TAOK2: variants seen among roughly 807,000 people sequenced by gnomAD.
The protein encoded by TAOK2 is serine/threonine-protein kinase TAO2.
TAOK2 carries 42 observed loss-of-function variants against 122.5 expected under a neutral mutation model. The observed-to-expected ratio is 0.34, with a 90% CI of 0.27 to 0.44. TAOK2 has a LOEUF of 0.44. Ranked by LOEUF, TAOK2 falls within the 20% of genes least tolerant of loss-of-function variation. The pLI is 1.00. For missense variants in TAOK2, 1,264 were observed against 1,644.9 expected, an observed-to-expected ratio of 0.77 and a Z score of 4.01; for synonymous variants, 704 against 677.6, an observed-to-expected ratio of 1.04 and a Z score of -0.61.
At chr16:29,988,974 C>G, downstream of TAOK2, 1 of 985,332 alleles carries the variant, frequency 1.0e-6, no homozygotes, top group African/African-American at 1.7e-5. Context: ...CTCCTTTGCC[C>G]CTTTCTCCTC....
chr16:29,975,494 C>G (rs1396773717), intron 1 of TAOK2, among the ~76,000 whole-genome samples: 2 of 152,122 alleles, frequency 1.3e-5, no homozygotes, highest in African/African-American at 4.8e-5. Flanking sequence ...GGAGTCCAGG[C>G]TGGGGTGAGG....
chr16:29,989,067 G>A, downstream of TAOK2: 1 of 985,230 alleles, frequency 1.0e-6, no homozygotes, highest in East Asian at 1.1e-4. Flanking sequence ...TCCCTGAGCT[G>A]CTGGACCTGG....
chr16:29,983,999 G>A (rs1276491442), intron 13 of TAOK2, among the ~76,000 whole-genome samples: 1 of 152,148 alleles, frequency 6.6e-6, no homozygotes, highest in Non-Finnish European at 1.5e-5. Context: ...CCCAGTGCTG[G>A]GGGAGCCCTG....
At chr16:29,991,708 T>A, downstream of TAOK2, 1 of 1,137,570 alleles carries the variant, frequency 8.8e-7, no homozygotes, top group Non-Finnish European at 1.1e-6. The surrounding 1 kb of genome is among the most constrained non-coding windows in gnomAD (Gnocchi z 5.6). Context: ...CCTCATCTCA[T>A]GAGCTTCTTG....
At position 29,985,891 on chromosome 16, in the gene TAOK2, G is replaced by A. The variant is rs371152014; in HGVS notation, c.1992+30G>A. ...GCATCCCAATCTCTGTTCCCCTCCC[G>A]CTCACTCGTGGATCCCAGGGACCCA... On this transcript the variant is annotated intron_variant, in intron 15 of 15. Transcript: ENST00000308893. The surrounding 1 kb of genome is among the most constrained non-coding windows in gnomAD (Gnocchi z 6.9). The A allele has an allele frequency of 1.2e-5, 19 of 1,600,676 alleles. No individual in the cohort carries two copies. Among genetic ancestry groups the A allele is most frequent in the Middle Eastern group, 2.3e-4 (1 of 4,436 alleles).
intron 8 of TAOK2, 137 bp from the exon 9 acceptor site, chr16:29,981,524 G>A (rs762228757): frequency 2.6e-6 from 2 of 769,864 alleles, no homozygotes; most frequent in South Asian, 2.9e-5. Context: ...GACGCAACAG[G>A]ATGATGGGAA....
rs1346074781 is a variant in TAOK2, at chr16:29,986,194, G to T, written c.1993-71G>T. The T allele has an allele frequency of 8.7e-6, 13 of 1,499,356 alleles. No homozygotes were observed. The highest frequency in any genetic ancestry group is 2.8e-5 in the African/African-American group (2 of 71,102). 92.9% of individuals were successfully genotyped at this position (1,499,356 alleles called of 1,614,324 possible). On this transcript the variant is annotated intron_variant, in intron 15 of 15. Transcript: ENST00000308893. This position sits in a 1 kb window ranked among gnomAD's most constrained non-coding sequence, Gnocchi z 4.2. ...TCTTCCGCCATCCCCAGCTCCCTCTGCCAAGGAGCCCTGGCCTCTCACTTC... is the reference window on the plus strand; with the variant it reads ...TCTTCCGCCATCCCCAGCTCCCTCTTCCAAGGAGCCCTGGCCTCTCACTTC...
At chr16:29,991,137 G>A (rs752544450), downstream of TAOK2, 48 of 1,609,574 alleles carry the variant, frequency 3.0e-5, no homozygotes, top group Admixed American at 1.8e-4. The surrounding 1 kb of genome is among the most constrained non-coding windows in gnomAD (Gnocchi z 5.6). Context: ...CGAGGCCTTC[G>A]ATGCGGAAAG....
rs368171889 is a variant in TAOK2, at chr16:29,987,288, C to G, written c.3016C>G (p.Leu1006Val). 1 of 1,526,994 alleles carries G rather than the reference C, an allele frequency of 6.5e-7. No individual in the cohort carries two copies. The highest frequency in any genetic ancestry group is 8.8e-7 in the Non-Finnish European group (1 of 1,141,448). The allele number at this position is 1,526,994 out of a possible 1,614,324, so 94.6% of individuals were successfully genotyped here. ...LVGLGASYLL[L>V]CTALHLPSSL... ...GGGTCTGGGGGCCTCCTACCTGCTC[C>G]TTTGTACAGCCCTGCACCTGCCCTC... Residue 1006 changes from leucine to valine, a missense_variant, in exon 16 of 16, where the codon CTT becomes GTT. By Grantham distance (32) the Leu-to-Val change is conservative (BLOSUM62 1). Transcript: ENST00000308893.
rs1488108144 is a variant in TAOK2, at chr16:29,986,535, C to G, written c.2263C>G (p.Pro755Ala). 1 of 1,613,400 alleles carries G rather than the reference C, an allele frequency of 6.2e-7. No homozygotes were observed. ...TGCAGGCCAGCGCCCCCCGGGCCTT[C>G]CACTCCCCATTCCTGGGGCTCTGGG... is the stretch of plus-strand genomic sequence containing the variant. ...VRAGQRPPGL[P>A]LPIPGALGPP... Residue 755 changes from proline (P) to alanine (A), a missense_variant, in exon 16 of 16, where the codon CCA becomes GCA. Physicochemically the swap from Pro to Ala is conservative, Grantham distance 27 (BLOSUM62 -1). Around this residue, in one of 4 missense-constraint regions of TAOK2, gnomAD observed 824 missense variants for 908.7 expected, o/e 0.91. Transcript: ENST00000308893. This position sits in a 1 kb window ranked among gnomAD's most constrained non-coding sequence, Gnocchi z 4.2.
At chr16:29,982,302 T>C (rs947766873) in intron 10 of TAOK2, among the ~76,000 whole-genome samples, 11 of 152,248 alleles carry the variant, frequency 7.2e-5, no homozygotes, top group African/African-American at 2.7e-4. Context: ...TTAGGTGTTT[T>C]TTGAATTATC....
In TAOK2 at chr16:29,981,710, C is replaced by T. The variant is rs1309592074; in HGVS notation, c.705C>T (p.Tyr235=). 8 of 1,614,174 alleles carry T rather than the reference C, an allele frequency of 5.0e-6. No individual in the cohort carries two copies. The highest frequency in any genetic ancestry group is 1.3e-5 in the African/African-American group (1 of 75,030). The change falls in exon 9 of 16, where the codon TAC becomes TAT. Residue 235 remains tyrosine (Y), a synonymous_variant. Transcript: ENST00000308893. ...LFNMNAMSAL[Y]HIAQNESPVL... Reference sequence around the variant, plus strand: ...ACATGAATGCGATGAGTGCCTTATACCACATTGCACAGAACGAATCCCCCG... The same window carrying T: ...ACATGAATGCGATGAGTGCCTTATATCACATTGCACAGAACGAATCCCCCG...
Position 29,981,644 on chromosome 16 carries a change from T to G in TAOK2, c.656-17T>G, listed in dbSNP as rs752481312. 35 of 1,613,538 alleles carry G rather than the reference T, an allele frequency of 2.2e-5. No homozygotes were observed. Among genetic ancestry groups the G allele is most frequent in the Non-Finnish European group, 2.7e-5 (32 of 1,179,442 alleles). ...CCTGCCACCTCTCACCTTCTTCCCT[T>G]TCACCTTTTTCTGTAGCTGAACGGA... is the stretch of plus-strand genomic sequence containing the variant. On this transcript the variant is annotated splice_polypyrimidine_tract_variant and intron_variant, in intron 8 of 15. Coordinates refer to ENST00000308893, the MANE Select transcript of TAOK2 (RefSeq NM_016151.4).
intron 1 of TAOK2, among the ~76,000 whole-genome samples, 171 bp from the exon 2 acceptor site, chr16:29,977,567 A>G (rs958327903): frequency 1.3e-5 from 2 of 152,110 alleles, no homozygotes; most frequent in Admixed American, 6.5e-5. Flanking sequence ...TGCCAGGGCA[A>G]CTTCATTTTT....
chr16:29,986,885 C>G lies in TAOK2; in HGVS notation c.2613C>G (p.Ser871Arg). The G allele has an allele frequency of 1.9e-6, 3 of 1,614,000 alleles. No individual in the cohort carries two copies. Among genetic ancestry groups the G allele is most frequent in the Non-Finnish European group, 2.5e-6 (3 of 1,179,948 alleles). ...GCCAGGAGGAGGCTGGGACATGGAG[C>G]TTGTGGGGGAAGGAGGATGAGAGTC... ...IVGQEEAGTW[S>R]LWGKEDESLL... The change falls in exon 16 of 16, where the codon AGC (serine) becomes AGG (arginine). Residue 871 changes from serine (S) to arginine (R), a missense_variant. By Grantham distance (110) the Ser-to-Arg change is moderately radical (BLOSUM62 -1). Coordinates refer to ENST00000308893, the MANE Select transcript of TAOK2 (RefSeq NM_016151.4). This position sits in a 1 kb window ranked among gnomAD's most constrained non-coding sequence, Gnocchi z 4.2.
chr16:29,990,506 A>C, downstream of TAOK2: 1 of 275,328 alleles, frequency 3.6e-6, no homozygotes, highest in Non-Finnish European at 6.7e-6. Context: ...GCTGTACCAT[A>C]ATTTATTTAA....
downstream of TAOK2, chr16:29,990,701 T>C (rs2069945104): frequency 2.1e-6 from 3 of 1,411,256 alleles, no homozygotes; most frequent in East Asian, 7.0e-5. Context: ...CTTGAAACCT[T>C]AGGGCCCAGG....
Position 29,979,586 on chromosome 16 carries a change from C to T in TAOK2, c.655+78C>T. 2 of 1,194,742 alleles carry T rather than the reference C, an allele frequency of 1.7e-6. No homozygotes were observed. The highest frequency in any genetic ancestry group is 2.3e-6 in the Non-Finnish European group (2 of 874,714). The allele number at this position is 1,194,742 out of a possible 1,614,324, so 74.0% of individuals were successfully genotyped here. On this transcript the variant is annotated intron_variant, in intron 8 of 15. Transcript: ENST00000308893. This position sits in a 1 kb window ranked among gnomAD's most constrained non-coding sequence, Gnocchi z 4.1. ...TTCCCAGACTCCGGACTACCCCCTTCTCCTAGGGATGGGATCCCAGGCCTC... is the reference window on the plus strand; with the variant it reads ...TTCCCAGACTCCGGACTACCCCCTTTTCCTAGGGATGGGATCCCAGGCCTC...
chr16:29,986,839 C>T lies in TAOK2; in HGVS notation c.2567C>T (p.Pro856Leu), dbSNP rs1215399730. ...IEELRVPSLV[P>L]QERSIVGQEE... is the part of the protein sequence containing the mutation. ...GAGCTTAGGGTGCCCTCCCTTGTAC[C>T]CCAGGAGAGGAGCATTGTTGGCCAG... The change falls in exon 16 of 16, where the codon CCC becomes CTC. Residue 856 changes from proline to leucine, a missense_variant. By Grantham distance (98) the Pro-to-Leu change is moderately conservative. Coordinates refer to ENST00000308893, the MANE Select transcript of TAOK2 (RefSeq NM_016151.4). The surrounding 1 kb of genome is among the most constrained non-coding windows in gnomAD (Gnocchi z 4.2). 8 of 1,613,828 alleles carry T rather than the reference C, an allele frequency of 5.0e-6. No homozygotes were observed. The highest frequency in any genetic ancestry group is 4.5e-5 in the East Asian group (2 of 44,882).
Sources: gnomAD v4.1 joint callset for allele counts (sites outside exome capture counted in the v4.1 genomes callset) on GRCh38, gnomAD v4.1.1 for gene constraint, gnomAD v4.1.1 regional missense constraint, Gnocchi (gnomAD v3.1) non-coding constraint, MANE v1.5 for transcripts, NCBI Gene and HGNC (gene_info 2026-07-23, HGNC 2026-07-21) for gene names.